Variants in ZNF536 observed in about 807,000 individuals in gnomAD.
ZNF536 encodes the protein zinc finger protein 536.
In ZNF536, 13 loss-of-function variants were observed where a neutral mutation model predicts 84.5. The observed-to-expected ratio is 0.15, with a 90% confidence interval of 0.10 to 0.24. The LOEUF (loss-of-function observed/expected upper bound fraction) is 0.24, where lower values mean the gene tolerates loss of function less well. Among genes scored for constraint, ZNF536 ranks in the 10% least tolerant of loss-of-function variants. The probability of loss-of-function intolerance (pLI) is 1.00; values close to 1 mark genes in which losing one functional copy is unlikely to be tolerated. For synonymous variants in ZNF536, 811 were observed against 742.5 expected (o/e 1.09, Z -1.50); for missense variants, 1,536 against 1,747.5 (o/e 0.88, Z 2.16).
chr19:30,241,525 T>C (rs544669784), intron 1 of ZNF536, among the ~76,000 whole-genome samples: 1 of 152,230 alleles, frequency 6.6e-6, no homozygotes, highest in Admixed American at 6.5e-5. Context: ...ATGAGAGCAC[T>C]CCAGGCTAAG....
intron 1 of ZNF536, among the ~76,000 whole-genome samples, chr19:30,406,820 G>A (rs774824386): frequency 1.3e-5 from 2 of 152,128 alleles, no homozygotes; most frequent in African/African-American, 4.8e-5. Context: ...CATTTCCCTG[G>A]GTGTTGCTAT....
chr19:30,406,637 G>T (rs1048365849), intron 1 of ZNF536, among the ~76,000 whole-genome samples: 1 of 152,134 alleles, frequency 6.6e-6, no homozygotes, highest in Non-Finnish European at 1.5e-5. Flanking sequence ...GAAACTGTAC[G>T]GCCAGTTTTC....
In ZNF536 at chr19:30,321,448, C is replaced by T. The variant is rs146072555; in HGVS notation, c.-119-30920C>T. Among the ~76,000 whole-genome samples, 935 of 152,272 alleles carry T rather than the reference C, an allele frequency of 6.1e-3. 14 individuals are homozygous for T. Among genetic ancestry groups the T allele is most frequent in the African/African-American group, 0.022 (899 of 41,552 alleles). ...TGACATGTGCCTGTAGTCCCAGCTA[C>T]TCAGGGGACTGAGGCAGGAGAGTCA... On this transcript the variant is annotated intron_variant, in intron 2 of 5. Transcript: ENST00000585628.
chr19:30,284,748 C>G (rs185600048), intron 2 of ZNF536, among the ~76,000 whole-genome samples: 2 of 152,218 alleles, frequency 1.3e-5, no homozygotes, highest in Non-Finnish European at 2.9e-5. Context: ...AACTCACCCT[C>G]GGTTGTAATT....
chr19:30,536,955 C>A (rs1486403959), intron 3 of ZNF536, among the ~76,000 whole-genome samples: 1 of 152,274 alleles, frequency 6.6e-6, no homozygotes. Context: ...TGGCAGTGGA[C>A]CCCCCGCCCC....
intron 1 of ZNF536, among the ~76,000 whole-genome samples, chr19:30,630,175 A>C (rs1416453018): frequency 6.6e-6 from 1 of 152,238 alleles, no homozygotes; most frequent in East Asian, 1.9e-4. Flanking sequence ...GGCAGGCAAG[A>C]GAGGTTGAAT....
intron 2 of ZNF536, among the ~76,000 whole-genome samples, chr19:30,332,564 G>A (rs369202971): frequency 2.6e-5 from 4 of 152,122 alleles, no homozygotes; most frequent in East Asian, 1.9e-4. Flanking sequence ...TCAGAAAGCC[G>A]TTGTTCCACC....
intron 2 of ZNF536, among the ~76,000 whole-genome samples, chr19:30,516,185 T>C (rs1736099858): frequency 1.3e-5 from 2 of 151,930 alleles, no homozygotes; most frequent in Non-Finnish European, 2.9e-5. Context: ...GTCTAATTGC[T>C]CTAAGATGAA....
At chr19:30,529,228 T>G (rs915144485) in intron 2 of ZNF536, among the ~76,000 whole-genome samples, 1 of 152,114 alleles carries the variant, frequency 6.6e-6, no homozygotes, top group African/African-American at 2.4e-5. Context: ...ATAAACAAAG[T>G]TTTAATATCC....
intron 2 of ZNF536, among the ~76,000 whole-genome samples, chr19:30,326,209 G>A (rs139654466): frequency 0.016 from 2,512 of 152,306 alleles, 28 homozygotes; most frequent in Middle Eastern, 0.044. Flanking sequence ...AAAGAGGGCC[G>A]TCCCCATTGC....
chr19:30,442,001 T>C (rs1328828730), intron 1 of ZNF536, among the ~76,000 whole-genome samples: 2 of 152,250 alleles, frequency 1.3e-5, no homozygotes, highest in Non-Finnish European at 2.9e-5. Context: ...TAGGTCTCCC[T>C]GGTTAATCAC....
intron 1 of ZNF536, among the ~76,000 whole-genome samples, chr19:30,433,149 C>T (rs1467734723): frequency 6.6e-6 from 1 of 152,196 alleles, no homozygotes; most frequent in East Asian, 1.9e-4. Flanking sequence ...ATCCCTTGGG[C>T]ACATGTGGCC....
intron 1 of ZNF536, among the ~76,000 whole-genome samples, chr19:30,653,569 C>T (rs1600158252): frequency 6.6e-6 from 1 of 152,298 alleles, no homozygotes; most frequent in East Asian, 1.9e-4. Flanking sequence ...TCTTGAAAAA[C>T]TAGAATGTCT....
intron 1 of ZNF536, among the ~76,000 whole-genome samples, chr19:30,656,030 C>T (rs1298872290): frequency 2.0e-5 from 3 of 151,604 alleles, no homozygotes; most frequent in Admixed American, 1.3e-4. Context: ...CAGAGCAAGA[C>T]CGTGTTTCAT....
chr19:30,593,910 A>T (rs979725528), intron 1 of ZNF536, among the ~76,000 whole-genome samples: 2 of 152,212 alleles, frequency 1.3e-5, no homozygotes, highest in Non-Finnish European at 2.9e-5. Flanking sequence ...CCTTGTAGAC[A>T]CTGAGAAGAA....
intron 1 of ZNF536, among the ~76,000 whole-genome samples, chr19:30,691,544 T>C (rs976338539): frequency 3.9e-5 from 6 of 152,312 alleles, no homozygotes; most frequent in Non-Finnish European, 7.4e-5. Flanking sequence ...CTAAATAATT[T>C]GCGAGGCTCC....
At chr19:30,371,285 A>AT (rs2048602842), upstream of ZNF536, among the ~76,000 whole-genome samples, 1 of 152,220 alleles carries the variant, frequency 6.6e-6, no homozygotes, top group Admixed American at 6.5e-5. Context: ...GATAAGTGAC[A>AT]TAAACAAAGG....
intron 1 of ZNF536, among the ~76,000 whole-genome samples, chr19:30,684,998 C>T (rs940517840): frequency 6.6e-6 from 1 of 152,180 alleles, no homozygotes; most frequent in Non-Finnish European, 1.5e-5. Flanking sequence ...GCTACTCAGG[C>T]CACGCAAGTG....
chr19:30,380,511 G>A (rs1004037200), intron 1 of ZNF536, among the ~76,000 whole-genome samples: 11 of 152,192 alleles, frequency 7.2e-5, no homozygotes, highest in Non-Finnish European at 1.0e-4. Context: ...AAAAAGAGGG[G>A]AGACACAGAA....
Sources: allele counts gnomAD v4.1 joint callset (sites outside exome capture counted in the v4.1 genomes callset), GRCh38; gene constraint gnomAD v4.1.1; transcripts MANE v1.5; gene names NCBI Gene and HGNC (gene_info 2026-07-23, HGNC 2026-07-21).